The following PLPP1 variants were observed in gnomAD, a reference collection of about 807,000 sequenced individuals.
PLPP1 encodes the protein lipid phosphate phosphohydrolase 1a.
Under a neutral mutation model 31.2 loss-of-function variants are expected in PLPP1, and 24 were observed. The ratio of observed to expected loss-of-function variants is 0.77; its 90% CI spans 0.56 to 1.08. PLPP1 has a LOEUF of 1.08. Among genes scored for constraint, PLPP1 ranks in the 50% least tolerant of loss-of-function variants. PLPP1 has a pLI of 0.00. For missense variants in PLPP1, 319 were observed against 342.7 expected (o/e 0.93, Z 0.55); for synonymous variants, 146 against 126.3 (o/e 1.16, Z -1.05).
chr5:55,491,182 A>C, intron 1 of PLPP1: 1 of 1,512,940 alleles, frequency 6.6e-7, no homozygotes. Context: ...AGTAAAGTCT[A>C]CTGAATGGGA....
intron 1 of PLPP1, among the ~76,000 whole-genome samples, chr5:55,476,122 G>A (rs1485042838): frequency 6.6e-6 from 1 of 151,824 alleles, no homozygotes; most frequent in Non-Finnish European, 1.5e-5. Context: ...GGGACCACAG[G>A]CACGCACCAC....
At chr5:55,441,766 AT>A (rs1380561400) in intron 4 of PLPP1, 84 bp downstream of exon 4, 2 of 1,400,804 alleles carry the variant, frequency 1.4e-6, no homozygotes, top group Non-Finnish European at 1.0e-6. Context: ...TGGCTAATTT[AT>A]TAGGACAGGT....
intron 1 of PLPP1, among the ~76,000 whole-genome samples, chr5:55,501,095 A>G (rs1004900745): frequency 6.6e-6 from 1 of 152,164 alleles, no homozygotes; most frequent in African/African-American, 2.4e-5. Context: ...CGGGCGGATC[A>G]CAACGTCAGG....
intron 4 of PLPP1, among the ~76,000 whole-genome samples, chr5:55,438,899 TA>T (rs879769388): frequency 4.9e-3 from 654 of 133,258 alleles, no homozygotes; most frequent in Middle Eastern, 0.015. Flanking sequence ...AGACTCCGTC[TA>T]AAAAAAAAAA....
intron 4 of PLPP1, among the ~76,000 whole-genome samples, chr5:55,431,102 GTC>G (rs929067491): frequency 4.1e-4 from 62 of 152,220 alleles, no homozygotes; most frequent in African/African-American, 1.4e-3. Context: ...AATTTTTGGT[GTC>G]TCAGAAAACA....
chr5:55,425,981 T>G lies in PLPP1; in HGVS notation c.608A>C (p.Gln203Pro). 6 of 1,613,852 alleles carry G rather than the reference T, an allele frequency of 3.7e-6. No homozygotes were observed. Among genetic ancestry groups the G allele is most frequent in the Non-Finnish European group, 5.1e-6 (6 of 1,179,908 alleles). ...AATGGATACGGCAACAAGACCAAATTGCAGTGTGGGGCGTAAGAGTCTTGC... is the reference window on the plus strand; with the variant it reads ...AATGGATACGGCAACAAGACCAAATGGCAGTGTGGGGCGTAAGAGTCTTGC... The part of the protein sequence containing the change: ...DWARLLRPTL[Q>P]FGLVAVSIYV... The change falls in exon 5 of 6, where the codon CAA becomes CCA. Residue 203 changes from glutamine (Q) to proline (P), a missense_variant. Gln to Pro is a moderately conservative substitution (Grantham distance 76). Transcript: ENST00000307259.
chr5:55,491,038 G>A, intron 1 of PLPP1: 1 of 1,613,502 alleles, frequency 6.2e-7, no homozygotes, highest in Non-Finnish European at 8.5e-7. Flanking sequence ...GATAGTTGAT[G>A]CTGTTGTCTT....
Position 55,534,668 on chromosome 5 carries a change from A to G in PLPP1, c.-39T>C. The stretch of plus-strand genomic sequence containing the variant: ...GCTGCCCGGCAAGGGCGATGGACTG[A>G]GCTGCGGGACGGCGGCCGAGGCCCT... On this transcript the variant is annotated 5_prime_UTR_variant, in exon 1 of 6. Coordinates refer to ENST00000307259, the MANE Select transcript of PLPP1 (RefSeq NM_003711.4). 1 of 1,519,680 alleles carries G rather than the reference A, an allele frequency of 6.6e-7. No homozygotes were observed. Among genetic ancestry groups the G allele is most frequent in the Non-Finnish European group, 8.8e-7 (1 of 1,134,708 alleles). 94.1% of individuals were successfully genotyped at this position (1,519,680 alleles called of 1,614,324 possible).
chr5:55,516,307 T>C (rs1208918965), intron 1 of PLPP1, among the ~76,000 whole-genome samples: 1 of 152,192 alleles, frequency 6.6e-6, no homozygotes, highest in Non-Finnish European at 1.5e-5. Flanking sequence ...ATCCATTATT[T>C]CTTAGCTCTA....
chr5:55,523,551 C>A (rs756843454), intron 1 of PLPP1, among the ~76,000 whole-genome samples: 3 of 152,182 alleles, frequency 2.0e-5, no homozygotes, highest in Non-Finnish European at 4.4e-5. Context: ...GATGACCAAG[C>A]TCCTAAGAGA....
chr5:55,474,717 G>C (rs1049729845), intron 2 of PLPP1, among the ~76,000 whole-genome samples: 1 of 152,072 alleles, frequency 6.6e-6, no homozygotes, highest in Non-Finnish European at 1.5e-5. Flanking sequence ...TCAGTACAGA[G>C]GGAGAATCAA....
chr5:55,469,135 A>C (rs1752365683), intron 2 of PLPP1, among the ~76,000 whole-genome samples: 1 of 152,220 alleles, frequency 6.6e-6, no homozygotes, highest in Non-Finnish European at 1.5e-5. Flanking sequence ...TGGCAACATT[A>C]TAAATAGTAA....
At chr5:55,468,498 C>A (rs1752352698) in intron 2 of PLPP1, among the ~76,000 whole-genome samples, 1 of 152,028 alleles carries the variant, frequency 6.6e-6, no homozygotes. Flanking sequence ...AAAACTATGG[C>A]TTGTCCAAAA....
At chr5:55,446,217 C>T (rs1228194078) in intron 3 of PLPP1, among the ~76,000 whole-genome samples, 1 of 152,196 alleles carries the variant, frequency 6.6e-6, no homozygotes, top group Non-Finnish European at 1.5e-5. Context: ...GATGCTGATT[C>T]AACACGTAAG....
chr5:55,430,261 G>C (rs932995157), intron 4 of PLPP1, among the ~76,000 whole-genome samples: 4 of 152,174 alleles, frequency 2.6e-5, no homozygotes, highest in African/African-American at 9.6e-5. Flanking sequence ...TGGCATCCAA[G>C]CAAGCTTCCT....
intron 3 of PLPP1, among the ~76,000 whole-genome samples, chr5:55,454,121 T>G (rs1561229282): frequency 6.6e-6 from 1 of 151,994 alleles, no homozygotes; most frequent in Non-Finnish European, 1.5e-5. Flanking sequence ...AAACCAAAAG[T>G]CTTCCAAATT....
chr5:55,486,730 T>C (rs189680881), intron 1 of PLPP1, among the ~76,000 whole-genome samples: 38 of 152,120 alleles, frequency 2.5e-4, no homozygotes, highest in African/African-American at 8.7e-4. Context: ...CTAACCAACA[T>C]GGTGAAACCC....
intron 5 of PLPP1, 24 bp from the exon 6 acceptor site, chr5:55,425,358 T>TATA (rs1284237433): frequency 6.4e-7 from 1 of 1,560,036 alleles, no homozygotes; most frequent in East Asian, 2.2e-5. Flanking sequence ...TATTTAATGG[T>TATA]ATAATTTAGA....
In PLPP1 at chr5:55,485,905, G is replaced by A. The variant is rs568320417; in HGVS notation, c.59-10455C>T. Among the ~76,000 whole-genome samples the A allele has an allele frequency of 1.5e-3, 223 of 152,126 alleles. 1 individual carries two copies. Among genetic ancestry groups the A allele is most frequent in the Non-Finnish European group, 2.6e-3 (176 of 67,996 alleles). The stretch of plus-strand genomic sequence containing the variant: ...TATTTCCAATTTTCTTCTATAAAAA[G>A]TACTGTAATCAGCTGTCTTCCAACT... On this transcript the variant is annotated intron_variant, in intron 1 of 5. Coordinates refer to ENST00000307259, the MANE Select transcript of PLPP1 (RefSeq NM_003711.4).
Sources: gnomAD v4.1 joint callset for allele counts (sites outside exome capture counted in the v4.1 genomes callset) on GRCh38, gnomAD v4.1.1 for gene constraint, MANE v1.5 for transcripts, NCBI Gene and HGNC (gene_info 2026-07-23, HGNC 2026-07-21) for gene names.